Variants in DYNC2H1 observed in about 807,000 individuals in gnomAD.
DYNC2H1 encodes the protein cytoplasmic dynein 2 heavy chain 1.
In DYNC2H1, 410 loss-of-function variants were observed where a neutral mutation model predicts 570.0. The ratio of observed to expected loss-of-function variants is 0.72; its 90% CI spans 0.66 to 0.78. The LOEUF is 0.78. Ranked by LOEUF, DYNC2H1 falls within the 30% of genes least tolerant of loss-of-function variation. The pLI is 0.00. For missense variants in DYNC2H1, 4,865 were observed against 5,046.4 expected (o/e 0.96, Z 1.09); for synonymous variants, 1,688 against 1,677.6 (o/e 1.01, Z -0.15).
intron 85 of DYNC2H1, among the ~76,000 whole-genome samples, chr11:103,443,257 T>G (rs642528): frequency 0.28 from 43,023 of 151,830 alleles, 7,079 homozygotes; most frequent in African/African-American, 0.45. Flanking sequence ...AATAATTGCA[T>G]TATGCTTTAT....
At position 103,120,938 on chromosome 11, in the gene DYNC2H1, T is replaced by A; in HGVS notation, c.1262T>A (p.Phe421Tyr). The A allele has an allele frequency of 6.6e-7, 1 of 1,522,430 alleles. No homozygotes were observed. The highest frequency in any genetic ancestry group is 1.4e-5 in the South Asian group (1 of 70,340). 94.3% of individuals were successfully genotyped at this position (1,522,430 alleles called of 1,614,324 possible). ...QDSPQQLLQA[F>Y]LKYKELVKRP... ...ATTTTATATTAGCTTCTTCAAGCAT[T>A]CCTGAAATATAAAGAGTTGGTAAAG... Residue 421 changes from phenylalanine (F) to tyrosine (Y), a missense_variant, in exon 9 of 89, where the codon TTC becomes TAC. Phe to Tyr is a conservative substitution (Grantham distance 22). Coordinates refer to ENST00000375735, the MANE Select transcript of DYNC2H1 (RefSeq NM_001377.3).
In DYNC2H1 at chr11:103,479,371, A is replaced by G. The variant is rs1027336170; in HGVS notation, c.*118A>G. ...TAGTTCAAAATATTAACATATAGTT[A>G]TGTTGTTGATGTCACTGAAATTTTA... On this transcript the variant is annotated 3_prime_UTR_variant, in exon 89 of 89. Coordinates refer to ENST00000375735, the MANE Select transcript of DYNC2H1 (RefSeq NM_001377.3). The G allele has an allele frequency of 8.6e-6, 10 of 1,166,906 alleles. No homozygotes were observed. Among genetic ancestry groups the G allele is most frequent in the Non-Finnish European group, 4.5e-6 (4 of 879,170 alleles). The allele number at this position is 1,166,906 out of a possible 1,614,324, so 72.3% of individuals were successfully genotyped here. A position where few individuals can be genotyped will look rare whatever the true frequency, so the allele number is the denominator to read the frequency against.
At position 103,260,619 on chromosome 11, in the gene DYNC2H1, AT is replaced by A. The variant is rs35142548; in HGVS notation, c.10695+659del. ...ACGCAGAGGCCTTTTTGTACTTAGAATTTTTTTTTTTTTTTTTGGAGACAGA... is the reference window on the plus strand; with the variant it reads ...ACGCAGAGGCCTTTTTGTACTTAGAATTTTTTTTTTTTTTTTGGAGACAGA... On this transcript the variant is annotated intron_variant, in intron 70 of 88. Coordinates refer to ENST00000375735, the MANE Select transcript of DYNC2H1 (RefSeq NM_001377.3). 2.6e-3 allele frequency among the ~76,000 whole-genome samples: 365 copies of A among 139,986 alleles called. 1 individual carries two copies. Among genetic ancestry groups the A allele is most frequent in the African/African-American group, 3.2e-3 (122 of 37,752 alleles). The allele number at this position is 139,986 out of a possible 152,430, so 91.8% of individuals were successfully genotyped here.
rs764734974 is a variant in DYNC2H1 at position 103,170,448 on chromosome 11, C to T, written c.5151+158C>T. Among the ~76,000 whole-genome samples, 17 of 152,040 alleles carry T rather than the reference C, an allele frequency of 1.1e-4. No homozygotes were observed. Among genetic ancestry groups the T allele is most frequent in the South Asian group, 4.2e-4 (2 of 4,812 alleles). On this transcript the variant is annotated intron_variant, in intron 33 of 88. Coordinates refer to ENST00000375735, the MANE Select transcript of DYNC2H1 (RefSeq NM_001377.3). The surrounding 1 kb of genome is among the most constrained non-coding windows in gnomAD (Gnocchi z 4.8). ...AAATGTAAAATGGACAGAGGTTGTA[C>T]GTAGTATAGTCCAAAACTTTTCTAA...
chr11:103,425,658 CATTTA>C (rs1014004518), intron 84 of DYNC2H1, among the ~76,000 whole-genome samples: 1 of 151,926 alleles, frequency 6.6e-6, no homozygotes, highest in Admixed American at 6.6e-5. Flanking sequence ...TTTAAAATAA[CATTTA>C]ATTTATAACT....
chr11:103,286,176 CT>C (rs1195095018), intron 73 of DYNC2H1, 78 bp from the exon 74 acceptor site: 1 of 1,539,652 alleles, frequency 6.5e-7, no homozygotes, highest in East Asian at 2.3e-5. Context: ...TTGGTTCTCA[CT>C]TTTAGTTTTT....
intron 87 of DYNC2H1, among the ~76,000 whole-genome samples, chr11:103,458,803 A>G (rs1021240821): frequency 2.0e-5 from 3 of 152,086 alleles, no homozygotes; most frequent in East Asian, 3.9e-4. Context: ...CTCTTACACT[A>G]TCATTCCTTG....
chr11:103,143,471 T>C, intron 18 of DYNC2H1, 76 bp downstream of exon 18: 4 of 1,411,802 alleles, frequency 2.8e-6, no homozygotes, highest in Non-Finnish European at 3.7e-6. Context: ...CTCTACTTAG[T>C]GGCATTGAAG....
intron 75 of DYNC2H1, among the ~76,000 whole-genome samples, chr11:103,293,526 A>T (rs1403541404): frequency 1.3e-5 from 2 of 152,116 alleles, no homozygotes; most frequent in South Asian, 4.1e-4. Flanking sequence ...CTCTTTCTTT[A>T]CATCTTCTTC....
intron 36 of DYNC2H1, among the ~76,000 whole-genome samples, chr11:103,175,291 A>T (rs1227223808): frequency 6.6e-6 from 1 of 152,200 alleles, no homozygotes; most frequent in Non-Finnish European, 1.5e-5. Context: ...TGTCTCTTAA[A>T]AATGGCATCT....
chr11:103,216,485 A>G (rs1863389597), intron 55 of DYNC2H1, among the ~76,000 whole-genome samples: 1 of 152,012 alleles, frequency 6.6e-6, no homozygotes, highest in Non-Finnish European at 1.5e-5. Flanking sequence ...AACTCCTCTT[A>G]TTAGCTTCAG....
At chr11:103,136,887 G>A (rs1326455886) in intron 17 of DYNC2H1, among the ~76,000 whole-genome samples, 1 of 151,902 alleles carries the variant, frequency 6.6e-6, no homozygotes, top group Non-Finnish European at 1.5e-5. Flanking sequence ...TCCAGCACCT[G>A]TTGTTTCCTG....
chr11:103,191,247 C>T (rs1862299548), intron 45 of DYNC2H1, among the ~76,000 whole-genome samples: 1 of 151,678 alleles, frequency 6.6e-6, no homozygotes, highest in Non-Finnish European at 1.5e-5. Flanking sequence ...GCCATATTGG[C>T]CAGGCTGGTC....
intron 84 of DYNC2H1, 143 bp downstream of exon 84, chr11:103,400,015 G>T: frequency 1.5e-6 from 1 of 667,014 alleles, no homozygotes; most frequent in African/African-American, 1.8e-5. Context: ...TTAATTGACT[G>T]ATGTAACTGA....
In DYNC2H1 at chr11:103,472,222, G is replaced by A. The variant is rs1368951203; in HGVS notation, c.12765+3517G>A. On this transcript the variant is annotated intron_variant, in intron 88 of 88. Coordinates refer to ENST00000375735, the MANE Select transcript of DYNC2H1 (RefSeq NM_001377.3). The surrounding 1 kb of genome is among the most constrained non-coding windows in gnomAD (Gnocchi z 4.1). ...TAGACCACCTTATGATCAGTAGGAA[G>A]CCATCAAGAATTTAGAACAGGGCCA... Among the ~76,000 whole-genome samples, 2 of 152,128 alleles carry A rather than the reference G, an allele frequency of 1.3e-5. No homozygotes were observed. Among genetic ancestry groups the A allele is most frequent in the East Asian group, 3.9e-4 (2 of 5,150 alleles).
At position 103,129,087 on chromosome 11, in the gene DYNC2H1, T is replaced by C. The variant is rs764652295; in HGVS notation, c.1953+82T>C. 11 of 1,165,948 alleles carry C rather than the reference T, an allele frequency of 9.4e-6. No individual in the cohort carries two copies. Among genetic ancestry groups the C allele is most frequent in the Non-Finnish European group, 1.3e-5 (11 of 824,504 alleles). 72.2% of individuals were successfully genotyped at this position (1,165,948 alleles called of 1,614,324 possible). A position where few individuals can be genotyped will look rare whatever the true frequency, so the allele number is the denominator to read the frequency against. On this transcript the variant is annotated intron_variant, in intron 13 of 88. Coordinates refer to ENST00000375735, the MANE Select transcript of DYNC2H1 (RefSeq NM_001377.3). The surrounding 1 kb of genome is among the most constrained non-coding windows in gnomAD (Gnocchi z 4.1). ...TTAATTTTCCGGTGTTCCCTTCAGC[T>C]TAATATATCAAATGATCTAGATTTT...
At chr11:103,442,021 T>A (rs1944288323) in intron 85 of DYNC2H1, among the ~76,000 whole-genome samples, 1 of 152,170 alleles carries the variant, frequency 6.6e-6, no homozygotes, top group Non-Finnish European at 1.5e-5. Flanking sequence ...AGAAGACTTA[T>A]ATAAATAAAC....
intron 85 of DYNC2H1, among the ~76,000 whole-genome samples, chr11:103,450,693 C>T (rs916581840): frequency 3.0e-4 from 45 of 152,242 alleles, no homozygotes; most frequent in Admixed American, 1.2e-3. Flanking sequence ...GAAGAATGAT[C>T]GCTTAAATTA....
chr11:103,442,908 T>G (rs1480678590), intron 85 of DYNC2H1, among the ~76,000 whole-genome samples: 1 of 151,804 alleles, frequency 6.6e-6, no homozygotes, highest in Non-Finnish European at 1.5e-5. Context: ...TAGTAATATC[T>G]CCTATGCTGG....
Sources: gnomAD v4.1 joint callset for allele counts (sites outside exome capture counted in the v4.1 genomes callset) on GRCh38, gnomAD v4.1.1 for gene constraint, Gnocchi (gnomAD v3.1) non-coding constraint, MANE v1.5 for transcripts, NCBI Gene and HGNC (gene_info 2026-07-23, HGNC 2026-07-21) for gene names.